The following FBXW2 variants were observed in gnomAD, a reference collection of about 807,000 sequenced individuals.
FBXW2 encodes F-box/WD repeat-containing protein 2.
FBXW2 carries 12 observed loss-of-function variants against 46.0 expected under a neutral mutation model. The observed-to-expected ratio is 0.26, with a 90% confidence interval of 0.17 to 0.42. FBXW2 has a LOEUF of 0.42. Ranked by LOEUF, FBXW2 falls within the 10% of genes least tolerant of loss-of-function variation. The probability of loss-of-function intolerance (pLI) is 1.00; values close to 1 mark genes in which losing one functional copy is unlikely to be tolerated. For missense variants in FBXW2, 360 were observed against 537.0 expected (o/e 0.67, Z 3.26); for synonymous variants, 203 against 209.6 (o/e 0.97, Z 0.27).
rs2044153757 is a variant in FBXW2 at position 120,758,612 on chromosome 9, C to A, written c.*5947G>T. On this transcript the variant is annotated 3_prime_UTR_variant, in exon 8 of 8. Coordinates refer to ENST00000608872, the MANE Select transcript of FBXW2 (RefSeq NM_012164.4). ...ACAAACATGAAAACATGGAAAAAAT[C>A]CAGGTGTGTGGGGGCTGAAAATCAG... The A allele has an allele frequency of 6.6e-6, 1 of 152,170 alleles. No individual in the cohort carries two copies. Among genetic ancestry groups the A allele is most frequent in the Non-Finnish European group, 1.5e-5 (1 of 68,038 alleles). 9.4% of individuals were successfully genotyped at this position (152,170 alleles called of 1,614,324 possible).
At chr9:120,791,098 C>A (rs1023230005) in intron 2 of FBXW2, among the ~76,000 whole-genome samples, 1 of 152,146 alleles carries the variant, frequency 6.6e-6, no homozygotes, top group Non-Finnish European at 1.5e-5. Flanking sequence ...TTAAAAAACA[C>A]CAATTTTTAC....
Position 120,790,416 on chromosome 9 carries a change from G to C in FBXW2, c.-20-2138C>G, listed in dbSNP as rs578115485. ...GGAGAATGGCGTGAACCCAGGAGGCGGAGCTTGCAGTGAGCCGAGATCACG... is the reference window on the plus strand; with the variant it reads ...GGAGAATGGCGTGAACCCAGGAGGCCGAGCTTGCAGTGAGCCGAGATCACG... On this transcript the variant is annotated intron_variant, in intron 2 of 7. Transcript: ENST00000608872. Among the ~76,000 whole-genome samples the C allele has an allele frequency of 5.9e-5, 9 of 152,184 alleles. 1 individual carries two copies. The highest frequency in any genetic ancestry group is 2.2e-4 in the African/African-American group (9 of 41,514).
At chr9:120,789,087 A>T in intron 2 of FBXW2, among the ~76,000 whole-genome samples, 1 of 152,226 alleles carries the variant, frequency 6.6e-6, no homozygotes, top group South Asian at 2.1e-4. Flanking sequence ...TGATGTTTAT[A>T]AAACACCAGA....
chr9:120,764,406 T>A lies in FBXW2; in HGVS notation c.*153A>T. On this transcript the variant is annotated 3_prime_UTR_variant, in exon 8 of 8. Transcript: ENST00000608872. ...ACAAGCCCTCCCCCACCCCGAGCCC[T>A]GGCCCCTGGCAAAACATAGATAAAT... 1 of 832,810 alleles carries A rather than the reference T, an allele frequency of 1.2e-6. No homozygotes were observed. The highest frequency in any genetic ancestry group is 1.9e-6 in the Non-Finnish European group (1 of 534,590). The allele number at this position is 832,810 out of a possible 1,614,324, so 51.6% of individuals were successfully genotyped here. A position where few individuals can be genotyped will look rare whatever the true frequency, so the allele number is the denominator to read the frequency against.
At chr9:120,777,288 G>C (rs893213738) in intron 4 of FBXW2, among the ~76,000 whole-genome samples, 5 of 152,368 alleles carry the variant, frequency 3.3e-5, no homozygotes, top group Admixed American at 3.3e-4. Context: ...AGTGGTAGCA[G>C]ACAGCAAAGA....
intron 2 of FBXW2, 147 bp from the exon 3 acceptor site, chr9:120,788,425 C>T: frequency 1.5e-6 from 1 of 682,184 alleles, no homozygotes; most frequent in Non-Finnish European, 2.5e-6. Context: ...AGTTAATACA[C>T]CATATTTATC....
Position 120,783,885 on chromosome 9 carries a change from C to T in FBXW2, c.490+3884G>A, listed in dbSNP as rs114264070. Among the ~76,000 whole-genome samples the T allele has an allele frequency of 9.1e-3, 1,384 of 152,244 alleles. 24 individuals carry two copies. Among genetic ancestry groups the T allele is most frequent in the African/African-American group, 0.032 (1,328 of 41,550 alleles). The stretch of plus-strand genomic sequence containing the variant: ...ATCTCTTCAATAAAACTGTCTATTG[C>T]TTACTCAAGGCACTAATGTGAGAGT... On this transcript the variant is annotated intron_variant, in intron 3 of 7. Coordinates refer to ENST00000608872, the MANE Select transcript of FBXW2 (RefSeq NM_012164.4).
chr9:120,769,352 C>T (rs1324189449), intron 7 of FBXW2, among the ~76,000 whole-genome samples: 1 of 152,128 alleles, frequency 6.6e-6, no homozygotes, highest in Non-Finnish European at 1.5e-5. Context: ...CAACTCCTAC[C>T]CGCAAACAAT....
In FBXW2 at chr9:120,759,319, A is replaced by C. The variant is rs1243103549; in HGVS notation, c.*5240T>G. 6.6e-6 allele frequency: 1 copy of C among 152,266 alleles called. No homozygotes were observed. Among genetic ancestry groups the C allele is most frequent in the Non-Finnish European group, 1.5e-5 (1 of 68,044 alleles). 9.4% of individuals were successfully genotyped at this position (152,266 alleles called of 1,614,324 possible). A position where few individuals can be genotyped will look rare whatever the true frequency, so the allele number is the denominator to read the frequency against. On this transcript the variant is annotated 3_prime_UTR_variant, in exon 8 of 8. Coordinates refer to ENST00000608872, the MANE Select transcript of FBXW2 (RefSeq NM_012164.4). ...TACAGATATAAATGATTTATAGTTA[A>C]CACAATCACTCACGGGTAAAAAGAG...
At chr9:120,788,329 G>A (rs1227642881) in intron 2 of FBXW2, 51 bp from the exon 3 acceptor site, 1 of 1,503,484 alleles carries the variant, frequency 6.7e-7, no homozygotes, top group African/African-American at 1.4e-5. Context: ...GACTGTTCAA[G>A]CAAGACTGCT....
intron 3 of FBXW2, among the ~76,000 whole-genome samples, chr9:120,787,173 C>T (rs549252354): frequency 1.3e-5 from 2 of 152,298 alleles, no homozygotes; most frequent in East Asian, 1.9e-4. Context: ...GGATTATAGG[C>T]GCATGCCGCC....
Position 120,759,438 on chromosome 9 carries a change from T to C in FBXW2, c.*5121A>G, listed in dbSNP as rs1358183204. The C allele has an allele frequency of 6.6e-6, 1 of 152,210 alleles. No individual in the cohort carries two copies. Among genetic ancestry groups the C allele is most frequent in the African/African-American group, 2.4e-5 (1 of 41,454 alleles). The allele number at this position is 152,210 out of a possible 1,614,324, so 9.4% of individuals were successfully genotyped here. Reference sequence around the variant, plus strand: ...TGCTTAAGCAACCTCTTCTTCCCCCTACCCCACACAGTTCAAATATAAACT... The same window carrying C: ...TGCTTAAGCAACCTCTTCTTCCCCCCACCCCACACAGTTCAAATATAAACT... On this transcript the variant is annotated 3_prime_UTR_variant, in exon 8 of 8. Transcript: ENST00000608872.
intron 2 of FBXW2, among the ~76,000 whole-genome samples, chr9:120,790,059 C>G (rs2044802888): frequency 6.6e-6 from 1 of 152,224 alleles, no homozygotes; most frequent in Non-Finnish European, 1.5e-5. Flanking sequence ...ACCCTCTTAT[C>G]TATACAACAT....
At chr9:120,791,939 C>G (rs2044852000) in intron 2 of FBXW2, among the ~76,000 whole-genome samples, 1 of 152,112 alleles carries the variant, frequency 6.6e-6, no homozygotes, top group African/African-American at 2.4e-5. Context: ...AAAATGAGAG[C>G]CTGGGTTTGG....
rs1253292219 is a variant in FBXW2, at chr9:120,759,358, C to G, written c.*5201G>C. The G allele has an allele frequency of 6.6e-6, 1 of 152,156 alleles. No homozygotes were observed. The highest frequency in any genetic ancestry group is 1.5e-5 in the Non-Finnish European group (1 of 68,026). 9.4% of individuals were successfully genotyped at this position (152,156 alleles called of 1,614,324 possible). A position where few individuals can be genotyped will look rare whatever the true frequency, so the allele number is the denominator to read the frequency against. On this transcript the variant is annotated 3_prime_UTR_variant, in exon 8 of 8. Transcript: ENST00000608872. ...GGGTAAAAAGAGTGCTTCTATGATG[C>G]AAGAAAATAACTTCTCATCTTAGAG...
Position 120,769,026 on chromosome 9 carries a change from A to C in FBXW2, c.1076+2322T>G, listed in dbSNP as rs2044325200. On this transcript the variant is annotated intron_variant, in intron 7 of 7. Transcript: ENST00000608872. ...AGGTCTTGACAGGTTTGTGGCTTTC[A>C]CTTTGATCACTTTAGAAATGGAACC... 1.3e-5 allele frequency among the ~76,000 whole-genome samples: 2 copies of C among 152,196 alleles called. 1 individual carries two copies. Among genetic ancestry groups the C allele is most frequent in the South Asian group, 4.1e-4 (2 of 4,834 alleles).
chr9:120,762,331 ACT>A lies in FBXW2; in HGVS notation c.*2226_*2227del, dbSNP rs1588019920. On this transcript the variant is annotated 3_prime_UTR_variant, in exon 8 of 8. Transcript: ENST00000608872. Reference sequence around the variant, plus strand: ...CTCCAGCCTGCGCAGTAAGAGCGAAACTCTGTCTCAAAAAAAAAAAAATAATA... The same window carrying A: ...CTCCAGCCTGCGCAGTAAGAGCGAAACTGTCTCAAAAAAAAAAAAATAATA... The A allele has an allele frequency of 6.8e-6, 1 of 148,148 alleles. No individual in the cohort carries two copies. The highest frequency in any genetic ancestry group is 2.0e-4 in the East Asian group (1 of 5,128). The allele number at this position is 148,148 out of a possible 1,614,324, so 9.2% of individuals were successfully genotyped here.
intron 4 of FBXW2, among the ~76,000 whole-genome samples, chr9:120,777,322 C>G (rs2044517446): frequency 6.6e-6 from 1 of 152,140 alleles, no homozygotes; most frequent in African/African-American, 2.4e-5. Flanking sequence ...TATAGGAGGA[C>G]AAATAAAATG....
At chr9:120,773,963 G>A (rs1219501625) in intron 5 of FBXW2, among the ~76,000 whole-genome samples, 1 of 152,190 alleles carries the variant, frequency 6.6e-6, no homozygotes, top group African/African-American at 2.4e-5. Flanking sequence ...GGCCGAGGAG[G>A]GAGGACTGCT....
Sources: allele counts gnomAD v4.1 joint callset (sites outside exome capture counted in the v4.1 genomes callset), GRCh38; gene constraint gnomAD v4.1.1; transcripts MANE v1.5; gene names NCBI Gene and HGNC (gene_info 2026-07-23, HGNC 2026-07-21).